Variants in PGM3 observed in about 807,000 individuals in gnomAD.
PGM3 encodes phosphoglucomutase 3.
PGM3 carries 40 observed loss-of-function variants against 66.2 expected under a neutral mutation model. The ratio of observed to expected loss-of-function variants is 0.60; its 90% CI spans 0.47 to 0.79. The LOEUF is 0.79. Ranked by LOEUF, PGM3 falls within the 30% of genes least tolerant of loss-of-function variation. The pLI is 0.00. For synonymous variants in PGM3, 191 were observed against 224.2 expected (o/e 0.85, Z 1.32); for missense variants, 537 against 643.4 (o/e 0.83, Z 1.79).
the PGM3 span, chr6:83,151,723 A>T: frequency 6.6e-7 from 1 of 1,509,974 alleles, no homozygotes; most frequent in Non-Finnish European, 9.0e-7. Context: ...AAAATGAGAG[A>T]GTCAAATAAA....
Position 83,165,203 on chromosome 6 carries a change from AAGTC to A in PGM3, c.*4027_*4030del, listed in dbSNP as rs1785169580. ...TAATTGAGTAATGGTGGAAATGTGA[AAGTC>A]AGTCACAGGACTCTCATTGGTGCCA... On this transcript the variant is annotated 3_prime_UTR_variant, in exon 13 of 13. Coordinates refer to ENST00000513973, the MANE Select transcript of PGM3 (RefSeq NM_015599.3). 1.3e-5 allele frequency: 2 copies of A among 153,244 alleles called. No homozygotes were observed. Among genetic ancestry groups the A allele is most frequent in the Admixed American group, 6.5e-5 (1 of 15,424 alleles). 9.5% of individuals were successfully genotyped at this position (153,244 alleles called of 1,614,324 possible). A position where few individuals can be genotyped will look rare whatever the true frequency, so the allele number is the denominator to read the frequency against.
chr6:83,169,012 T>C lies in PGM3; in HGVS notation c.*222A>G. On this transcript the variant is annotated 3_prime_UTR_variant, in exon 13 of 13. Coordinates refer to ENST00000513973, the MANE Select transcript of PGM3 (RefSeq NM_015599.3). ...TATACTTAAGTCCCAGTATTTTACA[T>C]TAGTGAGACTGAAATTAGAGGTAAA... 7.5e-7 allele frequency: 1 copy of C among 1,341,274 alleles called. No homozygotes were observed. Among genetic ancestry groups the C allele is most frequent in the Non-Finnish European group, 9.6e-7 (1 of 1,044,780 alleles). The allele number at this position is 1,341,274 out of a possible 1,614,324, so 83.1% of individuals were successfully genotyped here.
downstream of PGM3, among the ~76,000 whole-genome samples, chr6:83,159,253 A>T (rs1783614727): frequency 6.6e-6 from 1 of 152,034 alleles, no homozygotes. Flanking sequence ...TTATTTTTAT[A>T]TTTCTTGAAC....
At chr6:83,151,586 C>A in the PGM3 span, 1 of 1,592,664 alleles carries the variant, frequency 6.3e-7, no homozygotes, top group Non-Finnish European at 8.5e-7. Context: ...CTCTTTGGCC[C>A]TTTTAGGGTT....
intron 3 of PGM3, 156 bp downstream of exon 3, chr6:83,188,458 A>C: frequency 1.7e-6 from 1 of 601,836 alleles, no homozygotes; most frequent in Non-Finnish European, 2.9e-6. Context: ...GTAGTGACTT[A>C]GCTACTACAT....
At position 83,168,713 on chromosome 6, in the gene PGM3, C is replaced by G; in HGVS notation, c.*521G>C. ...TCAGTATGGAAGAGGGATGGACAACCCCCTATTCATACCTCTGAGTTCCTG... is the reference window on the plus strand; with the variant it reads ...TCAGTATGGAAGAGGGATGGACAACGCCCTATTCATACCTCTGAGTTCCTG... On this transcript the variant is annotated 3_prime_UTR_variant, in exon 13 of 13. Coordinates refer to ENST00000513973, the MANE Select transcript of PGM3 (RefSeq NM_015599.3). 1.0e-6 allele frequency: 1 copy of G among 996,424 alleles called. No individual in the cohort carries two copies. Among genetic ancestry groups the G allele is most frequent in the Non-Finnish European group, 1.2e-6 (1 of 836,164 alleles). 61.7% of individuals were successfully genotyped at this position (996,424 alleles called of 1,614,324 possible).
In PGM3 at chr6:83,169,039, T is replaced by G; in HGVS notation, c.*195A>C. ...AGTGAGACTGAAATTAGAGGTAAAT[T>G]TCTTTAACAAGTGTAAGGCTTACCT... On this transcript the variant is annotated 3_prime_UTR_variant, in exon 13 of 13. Transcript: ENST00000513973. The G allele has an allele frequency of 7.3e-7, 1 of 1,371,738 alleles. No homozygotes were observed. Among genetic ancestry groups the G allele is most frequent in the Non-Finnish European group, 9.4e-7 (1 of 1,063,508 alleles). The allele number at this position is 1,371,738 out of a possible 1,614,324, so 85.0% of individuals were successfully genotyped here.
intron 12 of PGM3, chr6:83,169,801 A>G: frequency 2.2e-6 from 1 of 457,520 alleles, no homozygotes; most frequent in Non-Finnish European, 4.4e-6. Context: ...GAGTATGTGA[A>G]GAGGCCAAAT....
Position 83,188,629 on chromosome 6 carries a change from A to G in PGM3, c.374T>C (p.Ile125Thr), listed in dbSNP as rs751616406. ...VNLQQDAFVV[I>T]GRDTRPSSEK... ...TTATCATCACCTGGTATCTCTACCA[A>G]TAACTACAAAGGCATCTTGTTGCAG... The change falls in exon 3 of 13, where the codon ATT becomes ACT. Residue 125 changes from isoleucine to threonine, a missense_variant. Coordinates refer to ENST00000513973, the MANE Select transcript of PGM3 (RefSeq NM_015599.3). 2 of 1,613,498 alleles carry G rather than the reference A, an allele frequency of 1.2e-6. No individual in the cohort carries two copies. Among genetic ancestry groups the G allele is most frequent in the Non-Finnish European group, 1.7e-6 (2 of 1,179,536 alleles).
chr6:83,154,893 C>T, the PGM3 span, among the ~76,000 whole-genome samples: 6 of 152,184 alleles, frequency 3.9e-5, 1 homozygote, highest in Non-Finnish European at 7.4e-5. Context: ...GCTAAAGCTA[C>T]AGTTTTCTCA....
chr6:83,190,178 T>C (rs990251945), intron 2 of PGM3, among the ~76,000 whole-genome samples: 1 of 152,376 alleles, frequency 6.6e-6, no homozygotes, highest in Middle Eastern at 3.4e-3. Context: ...ATTAGCCTGA[T>C]AGTGGTAATC....
At chr6:83,186,859 A>C (rs1788618880) in intron 4 of PGM3, 149 bp downstream of exon 4, 2 of 481,868 alleles carry the variant, frequency 4.2e-6, no homozygotes, top group African/African-American at 4.0e-5. Flanking sequence ...GATGATTTTT[A>C]AAGTTAGTAT....
chr6:83,165,826 T>C lies in PGM3; in HGVS notation c.*3408A>G. 3.1e-6 allele frequency: 1 copy of C among 319,544 alleles called. No individual in the cohort carries two copies. Among genetic ancestry groups the C allele is most frequent in the South Asian group, 2.9e-5 (1 of 34,822 alleles). The allele number at this position is 319,544 out of a possible 1,614,324, so 19.8% of individuals were successfully genotyped here. ...GAATTGGGCCCTTTCTGGTGGCCAA[T>C]GCCGGCTGCAGGCATTGCAGTTTTT... On this transcript the variant is annotated 3_prime_UTR_variant, in exon 13 of 13. Coordinates refer to ENST00000513973, the MANE Select transcript of PGM3 (RefSeq NM_015599.3).
downstream of PGM3, chr6:83,157,047 T>C: frequency 1.3e-6 from 1 of 744,570 alleles, no homozygotes; most frequent in Non-Finnish European, 2.1e-6. Context: ...TTTATGAAAA[T>C]ATCTACAACA....
At chr6:83,190,374 CT>C (rs1270589187) in intron 2 of PGM3, 2 of 164,632 alleles carry the variant, frequency 1.2e-5, no homozygotes, top group Non-Finnish European at 2.6e-5. Context: ...CAAAGCTCAC[CT>C]GTTTGTTCAT....
In PGM3 at chr6:83,190,943, C is replaced by G; in HGVS notation, c.70G>C (p.Gly24Arg). ...AKPNGLILQY[G>R]TAGFRTKAEH... ...GCCTTCGTTCGAAATCCAGCAGTCC[C>G]GTATTGAAGGATCAGTCCATTGGGC... The change falls in exon 2 of 13, where the codon GGG (glycine) becomes CGG (arginine). Residue 24 changes from glycine (G) to arginine (R), a missense_variant. By Grantham distance (125) the Gly-to-Arg change is moderately radical (BLOSUM62 -2). Transcript: ENST00000513973. 1.2e-6 allele frequency: 2 copies of G among 1,614,004 alleles called. No homozygotes were observed.
In PGM3 at chr6:83,168,265, C is replaced by G. The variant is rs918013829; in HGVS notation, c.*969G>C. ...ATAGTTTTTCCTTTTTTGTATGTAA[C>G]AGAACACATTTCAGATTGTATTTAA... On this transcript the variant is annotated 3_prime_UTR_variant, in exon 13 of 13. Transcript: ENST00000513973. 9.6e-6 allele frequency: 14 copies of G among 1,456,400 alleles called. No homozygotes were observed. The highest frequency in any genetic ancestry group is 5.3e-5 in the Admixed American group (2 of 37,488). 90.2% of individuals were successfully genotyped at this position (1,456,400 alleles called of 1,614,324 possible). A position where few individuals can be genotyped will look rare whatever the true frequency, so the allele number is the denominator to read the frequency against.
At chr6:83,158,325 C>G (rs960236123), downstream of PGM3, among the ~76,000 whole-genome samples, 14 of 152,106 alleles carry the variant, frequency 9.2e-5, no homozygotes, top group Non-Finnish European at 1.8e-4. Flanking sequence ...TAATAACTAA[C>G]TCTGTTCCAT....
At chr6:83,160,004 A>G (rs756902030), downstream of PGM3, 7 of 1,597,848 alleles carry the variant, frequency 4.4e-6, no homozygotes, top group Admixed American at 1.2e-4. Flanking sequence ...TTGAAAGTGC[A>G]TTTGCTTTGG....
Sources: allele counts gnomAD v4.1 joint callset (sites outside exome capture counted in the v4.1 genomes callset), GRCh38; gene constraint gnomAD v4.1.1; transcripts MANE v1.5; gene names NCBI Gene and HGNC (gene_info 2026-07-23, HGNC 2026-07-21).